NRG1: variants seen among roughly 807,000 people sequenced by gnomAD.
NRG1 encodes the protein pro-neuregulin-1, membrane-bound isoform.
In NRG1, 18 loss-of-function variants were observed where a neutral mutation model predicts 63.8. The observed-to-expected ratio is 0.28, with a 90% CI of 0.19 to 0.42. The LOEUF is 0.42. Among genes scored for constraint, NRG1 ranks in the 10% least tolerant of loss-of-function variants. The probability of loss-of-function intolerance (pLI) is 1.00; values close to 1 mark genes in which losing one functional copy is unlikely to be tolerated. For synonymous variants in NRG1, 302 were observed against 301.3 expected (o/e 1.00, Z -0.02); for missense variants, 762 against 814.7 (o/e 0.94, Z 0.79).
intron 1 of NRG1, among the ~76,000 whole-genome samples, chr8:32,201,897 G>A (rs1843534261): frequency 6.6e-6 from 1 of 152,168 alleles, no homozygotes; most frequent in Non-Finnish European, 1.5e-5. Context: ...CAGTGGCAAG[G>A]CTGATGGCTT....
chr8:32,235,157 G>C (rs1847401306), intron 1 of NRG1, among the ~76,000 whole-genome samples: 1 of 144,448 alleles, frequency 6.9e-6, no homozygotes, highest in Admixed American at 7.4e-5. Context: ...GCTTTGGGAG[G>C]CCAAGGCAGG....
intron 1 of NRG1, among the ~76,000 whole-genome samples, chr8:31,679,782 T>C (rs1248893096): frequency 1.3e-5 from 2 of 152,102 alleles, no homozygotes; most frequent in Admixed American, 6.6e-5. Context: ...TCCCTAGTCT[T>C]AGAGGATATT....
intron 2 of NRG1, among the ~76,000 whole-genome samples, chr8:32,598,849 CAATTT>C (rs1431869923): frequency 1.3e-5 from 2 of 151,988 alleles, no homozygotes; most frequent in African/African-American, 4.8e-5. Flanking sequence ...AACTGAATCT[CAATTT>C]AATTAACATT....
chr8:32,065,562 C>T (rs1040030099), intron 1 of NRG1, among the ~76,000 whole-genome samples: 3 of 152,328 alleles, frequency 2.0e-5, no homozygotes, highest in African/African-American at 7.2e-5. Context: ...ATATATGCCA[C>T]ATTTTCTTAA....
intron 1 of NRG1, among the ~76,000 whole-genome samples, chr8:31,794,865 C>A (rs1821053127): frequency 6.6e-6 from 1 of 152,108 alleles, no homozygotes; most frequent in Admixed American, 6.5e-5. Context: ...TGCAGCAGCA[C>A]AATCTCAGCT....
chr8:32,629,178 C>T (rs1469340875), intron 5 of NRG1, among the ~76,000 whole-genome samples: 1 of 152,066 alleles, frequency 6.6e-6, no homozygotes, highest in Admixed American at 6.6e-5. Flanking sequence ...AAAAAATGTT[C>T]TTTGTCCAAT....
chr8:32,314,590 A>G (rs1382992658), intron 1 of NRG1, among the ~76,000 whole-genome samples: 2 of 152,210 alleles, frequency 1.3e-5, no homozygotes, highest in Non-Finnish European at 2.9e-5. Context: ...CTGGTAGAAC[A>G]TTATTCATCT....
intron 1 of NRG1, among the ~76,000 whole-genome samples, chr8:31,900,998 CT>C (rs916607056): frequency 6.6e-6 from 1 of 151,906 alleles, no homozygotes; most frequent in East Asian, 1.9e-4. Flanking sequence ...TACAATTTCT[CT>C]TTTTTTTCCC....
chr8:32,049,625 A>G (rs1235248719), intron 1 of NRG1, among the ~76,000 whole-genome samples: 1 of 152,170 alleles, frequency 6.6e-6, no homozygotes, highest in Non-Finnish European at 1.5e-5. Flanking sequence ...TATTCCAGAT[A>G]CTTGTAGTGT....
intron 1 of NRG1, among the ~76,000 whole-genome samples, chr8:32,222,552 C>T (rs1455422730): frequency 6.6e-6 from 1 of 152,200 alleles, no homozygotes; most frequent in Non-Finnish European, 1.5e-5. Flanking sequence ...TCTCTGCCAT[C>T]TCCCCCAGTT....
intron 1 of NRG1, among the ~76,000 whole-genome samples, chr8:32,462,776 A>C (rs1822485734): frequency 1.3e-5 from 2 of 151,432 alleles, no homozygotes; most frequent in African/African-American, 4.9e-5. Flanking sequence ...GCTAACTTTT[A>C]TATTTTGGGT....
chr8:32,092,374 T>C (rs1829292407), intron 1 of NRG1, among the ~76,000 whole-genome samples: 1 of 149,978 alleles, frequency 6.7e-6, no homozygotes, highest in African/African-American at 2.5e-5. Flanking sequence ...AGAGGATTGC[T>C]TGAGCCCAAG....
At chr8:32,473,655 C>T (rs1389237137) in intron 1 of NRG1, among the ~76,000 whole-genome samples, 2 of 152,054 alleles carry the variant, frequency 1.3e-5, no homozygotes, top group East Asian at 3.9e-4. Flanking sequence ...CAACCCTGGG[C>T]TTCTATCCTT....
chr8:32,094,131 C>T (rs1026118165), intron 1 of NRG1, among the ~76,000 whole-genome samples: 5 of 152,128 alleles, frequency 3.3e-5, no homozygotes, highest in Non-Finnish European at 5.9e-5. Flanking sequence ...AAAGAGGAAC[C>T]GTTGGCTACA....
chr8:31,740,699 G>GAGAT lies in NRG1; in HGVS notation c.37+101271_37+101272insTAGA, dbSNP rs1205180729. Among the ~76,000 whole-genome samples the GAGAT allele has an allele frequency of 2.0e-5, 3 of 151,854 alleles. No homozygotes were observed. In the East Asian group the frequency reaches 5.8e-4, roughly 29 times the overall value. ...TGTGTGTGTGTGAGAGAGAGAGAGA[G>GAGAT]AGAGAGGGACCACAAAGTCTCTGAT... On this transcript the variant is annotated intron_variant, in intron 1 of 10. Transcript: ENST00000519301.
chr8:32,179,539 G>A (rs1841204554), intron 1 of NRG1, among the ~76,000 whole-genome samples: 1 of 152,190 alleles, frequency 6.6e-6, no homozygotes, highest in African/African-American at 2.4e-5. Context: ...AAGTAACTTG[G>A]CTGAATTTCT....
At chr8:31,908,843 C>T (rs1832723707) in intron 1 of NRG1, among the ~76,000 whole-genome samples, 1 of 151,972 alleles carries the variant, frequency 6.6e-6, no homozygotes, top group South Asian at 2.1e-4. Context: ...ATAAATTTTC[C>T]AGAATAGATG....
At chr8:32,566,070 C>T (rs1837378817) in intron 1 of NRG1, among the ~76,000 whole-genome samples, 1 of 152,060 alleles carries the variant, frequency 6.6e-6, no homozygotes, top group Non-Finnish European at 1.5e-5. Context: ...GACAATGTGT[C>T]TGGCCGGACA....
At chr8:32,265,340 G>T (rs953668280) in intron 1 of NRG1, among the ~76,000 whole-genome samples, 34 of 151,390 alleles carry the variant, frequency 2.2e-4, no homozygotes, top group African/African-American at 8.0e-4. Context: ...ATCTAAAAAA[G>T]AATTAATTAA....
Sources: allele counts gnomAD v4.1 joint callset (sites outside exome capture counted in the v4.1 genomes callset), GRCh38; gene constraint gnomAD v4.1.1; transcripts MANE v1.5; gene names NCBI Gene and HGNC (gene_info 2026-07-23, HGNC 2026-07-21).